The following PHGDH variants were observed in gnomAD, a reference collection of about 807,000 sequenced individuals.
The protein encoded by PHGDH is phosphoglycerate dehydrogenase.
Under a neutral mutation model 52.6 loss-of-function variants are expected in PHGDH, and 50 were observed. That is an observed-to-expected ratio of 0.95 (90% CI 0.76 to 1.20). The LOEUF (loss-of-function observed/expected upper bound fraction) is 1.20, where lower values mean the gene tolerates loss of function less well. Among genes scored for constraint, PHGDH ranks in the 50% most tolerant of loss-of-function variants. PHGDH has a pLI of 0.00. For missense variants in PHGDH, 630 were observed against 684.6 expected, an observed-to-expected ratio of 0.92 and a Z score of 0.89; for synonymous variants, 271 against 280.5, an observed-to-expected ratio of 0.97 and a Z score of 0.34.
At chr1:119,732,830 C>G (rs751797972) in intron 5 of PHGDH, among the ~76,000 whole-genome samples, 17 of 152,158 alleles carry the variant, frequency 1.1e-4, no homozygotes, top group Non-Finnish European at 2.1e-4. Flanking sequence ...TCCTGCCAGC[C>G]CCCAGGTTGT....
chr1:119,731,812 G>A (rs587766050), intron 5 of PHGDH, among the ~76,000 whole-genome samples: 28 of 152,274 alleles, frequency 1.8e-4, no homozygotes, highest in Non-Finnish European at 2.9e-4. Context: ...GTGCCATGCC[G>A]GTATGCTTAG....
intron 7 of PHGDH, 135 bp from the exon 8 acceptor site, chr1:119,736,979 C>T: frequency 1.3e-6 from 1 of 792,200 alleles, no homozygotes; most frequent in Non-Finnish European, 2.2e-6. Context: ...GTCCAGTGAC[C>T]ACCCTGACAA....
chr1:119,740,969 G>A (rs769919631), intron 9 of PHGDH, among the ~76,000 whole-genome samples: 11 of 152,122 alleles, frequency 7.2e-5, no homozygotes, highest in South Asian at 2.1e-4. Context: ...AGCCAGGAGC[G>A]GTGAGGACAC....
In PHGDH at chr1:119,721,326, G is replaced by GC; in HGVS notation, c.290+5_290+6insC. On this transcript the variant is annotated splice_donor_region_variant and intron_variant, in intron 2 of 11. Coordinates refer to ENST00000641023, the MANE Select transcript of PHGDH (RefSeq NM_006623.4). ...GAAGGGCATCTTGGTTATGAAGTAA[G>GC]TCATGGAGGCTGCGGGCGGTTTGGG... The GC allele has an allele frequency of 6.2e-7, 1 of 1,612,752 alleles. No homozygotes were observed. The highest frequency in any genetic ancestry group is 8.5e-7 in the Non-Finnish European group (1 of 1,179,092).
intron 8 of PHGDH, among the ~76,000 whole-genome samples, chr1:119,737,988 T>C (rs1337191115): frequency 6.6e-6 from 1 of 152,094 alleles, no homozygotes; most frequent in African/African-American, 2.4e-5. Flanking sequence ...CCTTCTGAAG[T>C]CTTGCTTGGC....
At chr1:119,733,639 C>T (rs991900597) in intron 5 of PHGDH, among the ~76,000 whole-genome samples, 10 of 152,046 alleles carry the variant, frequency 6.6e-5, no homozygotes, top group African/African-American at 2.2e-4. Flanking sequence ...CCCATCTTTC[C>T]CATTATATTC....
chr1:119,716,134 G>T (rs1462948786), intron 1 of PHGDH, among the ~76,000 whole-genome samples: 1 of 152,110 alleles, frequency 6.6e-6, no homozygotes, highest in Non-Finnish European at 1.5e-5. Flanking sequence ...GGGTAGTTGA[G>T]GTTGTAAGAG....
intron 2 of PHGDH, 65 bp downstream of exon 2, chr1:119,721,386 A>G: frequency 6.6e-7 from 1 of 1,524,612 alleles, no homozygotes. Context: ...GACCACACCT[A>G]GGGAGAAAAA....
chr1:119,729,218 C>G (rs1651582701), intron 5 of PHGDH, among the ~76,000 whole-genome samples: 1 of 152,196 alleles, frequency 6.6e-6, no homozygotes, highest in African/African-American at 2.4e-5. Flanking sequence ...TGTAAACAAA[C>G]CACAGCCTTG....
At chr1:119,715,114 G>A (rs1366379829) in intron 1 of PHGDH, among the ~76,000 whole-genome samples, 2 of 152,252 alleles carry the variant, frequency 1.3e-5, no homozygotes, top group Non-Finnish European at 2.9e-5. Context: ...TAAGAAATTT[G>A]TTTTATGTCA....
rs1412415167 is a variant in PHGDH at position 119,744,210 on chromosome 1, C to T, written c.*170C>T. On this transcript the variant is annotated 3_prime_UTR_variant, in exon 12 of 12. Coordinates refer to ENST00000641023, the MANE Select transcript of PHGDH (RefSeq NM_006623.4). ...AATAACCGTCTAATAAAGAGCCTAC[C>T]CCCAACTCCTTCTGCACTTTTGTGT... 2.9e-6 allele frequency: 2 copies of T among 683,580 alleles called. No homozygotes were observed. The highest frequency in any genetic ancestry group is 5.2e-6 in the Non-Finnish European group (2 of 382,508). 42.3% of individuals were successfully genotyped at this position (683,580 alleles called of 1,614,324 possible).
rs1651887491 is a variant in PHGDH, at chr1:119,735,407, C to A, written c.756C>A (p.Gly252=). ...CCCTGCTCCGGGCCCTGCAGTCTGG[C>A]CAGTGTGCCGGGGCTGCACTGGACG... is the stretch of plus-strand genomic sequence containing the variant. ...EGALLRALQS[G]QCAGAALDVF... The change falls in exon 7 of 12, where the codon GGC becomes GGA. Residue 252 remains glycine, a synonymous_variant. Coordinates refer to ENST00000641023, the MANE Select transcript of PHGDH (RefSeq NM_006623.4). 1.2e-6 allele frequency: 2 copies of A among 1,613,874 alleles called. No homozygotes were observed. Among genetic ancestry groups the A allele is most frequent in the Admixed American group, 1.7e-5 (1 of 60,008 alleles).
chr1:119,723,414 C>T lies in PHGDH; in HGVS notation c.329C>T (p.Thr110Ile). Residue 110 changes from threonine to isoleucine, a missense_variant, in exon 3 of 12, where the codon ACT (threonine) becomes ATT (isoleucine). Coordinates refer to ENST00000641023, the MANE Select transcript of PHGDH (RefSeq NM_006623.4). ...AACAGCCTCAGTGCCGCAGAACTCA[C>T]TTGTGGAATGATCATGTGCCTGGCC... ...NGNSLSAAELTCGMIMCLARQ... is the reference protein window; with the variant it reads ...NGNSLSAAELICGMIMCLARQ... 1 of 1,613,948 alleles carries T rather than the reference C, an allele frequency of 6.2e-7. No homozygotes were observed.
At chr1:119,724,275 A>G in intron 3 of PHGDH, 1 of 169,012 alleles carries the variant, frequency 5.9e-6, no homozygotes. Flanking sequence ...GATTCCCTAA[A>G]CCAGCGGACC....
chr1:119,725,796 C>T (rs1651382193), intron 3 of PHGDH, among the ~76,000 whole-genome samples: 1 of 152,148 alleles, frequency 6.6e-6, no homozygotes, highest in Non-Finnish European at 1.5e-5. Context: ...GGTTAAAGGC[C>T]TACATTTAAG....
At position 119,711,936 on chromosome 1, in the gene PHGDH, A is replaced by G; in HGVS notation, c.-87A>G. On this transcript the variant is annotated 5_prime_UTR_variant, in exon 1 of 12. Coordinates refer to ENST00000641023, the MANE Select transcript of PHGDH (RefSeq NM_006623.4). ...GAGCGGGAGCTGGAGAATACTGCCC[A>G]GTTACTCTAGCGCGCCAGGCCGAAC... 1.5e-6 allele frequency: 2 copies of G among 1,363,066 alleles called. No individual in the cohort carries two copies. The highest frequency in any genetic ancestry group is 1.2e-5 in the South Asian group (1 of 85,574). The allele number at this position is 1,363,066 out of a possible 1,614,324, so 84.4% of individuals were successfully genotyped here. A position where few individuals can be genotyped will look rare whatever the true frequency, so the allele number is the denominator to read the frequency against.
chr1:119,723,374 A>G lies in PHGDH; in HGVS notation c.291-2A>G, dbSNP rs2101160146. 1.2e-6 allele frequency: 2 copies of G among 1,612,116 alleles called. No homozygotes were observed. The highest frequency in any genetic ancestry group is 1.7e-6 in the Non-Finnish European group (2 of 1,178,316). ...GATGTCCCCCTTTTCTTTGATCTTT[A>G]GCACCCCCAATGGGAACAGCCTCAG... On this transcript the variant is annotated splice_acceptor_variant, in intron 2 of 11. Transcript: ENST00000641023. LOFTEE classifies it high-confidence loss of function.
intron 6 of PHGDH, 131 bp downstream of exon 6, chr1:119,734,897 G>A (rs767488597): frequency 5.7e-6 from 6 of 1,044,580 alleles, no homozygotes; most frequent in South Asian, 1.3e-5. Context: ...TCCTGCAGAG[G>A]CTGGTGTTTT....
At chr1:119,742,759 C>G in intron 10 of PHGDH, 48 bp from the exon 11 acceptor site, 1 of 1,151,650 alleles carries the variant, frequency 8.7e-7, no homozygotes, top group Non-Finnish European at 1.3e-6. Context: ...GGAGGGTGGA[C>G]GTGGTGCAGC....
Sources: gnomAD v4.1 joint callset for allele counts (sites outside exome capture counted in the v4.1 genomes callset) on GRCh38, gnomAD v4.1.1 for gene constraint, MANE v1.5 for transcripts, NCBI Gene and HGNC (gene_info 2026-07-23, HGNC 2026-07-21) for gene names.